Variants in MGMT observed in about 807,000 individuals in gnomAD.
The protein encoded by MGMT is methylated-DNA--protein-cysteine methyltransferase.
Under a neutral mutation model 15.9 loss-of-function variants are expected in MGMT, and 14 were observed. That is an observed-to-expected ratio of 0.88 (90% confidence interval 0.58 to 1.37). The LOEUF is 1.37. Ranked by LOEUF, MGMT falls within the 40% of genes most tolerant of loss-of-function variation. The probability of loss-of-function intolerance (pLI) is 0.00; values close to 1 mark genes in which losing one functional copy is unlikely to be tolerated. For synonymous variants in MGMT, 130 were observed against 118.2 expected (o/e 1.10, Z -0.65); for missense variants, 282 against 268.1 (o/e 1.05, Z -0.36).
chr10:129,614,946 A>G (rs951440764), intron 2 of MGMT, among the ~76,000 whole-genome samples: 3 of 152,164 alleles, frequency 2.0e-5, no homozygotes, highest in African/African-American at 4.8e-5. Context: ...CTGTATTTAC[A>G]TTCCTGGCTC....
rs141728453 is a variant in MGMT, at chr10:129,575,138, T to C, written c.125+38761T>C. ...TAGACAGATCAACAAGACAGAAAGT[T>C]AACAAGGATACCCAGGAATTGAACT... On this transcript the variant is annotated intron_variant, in intron 2 of 4. Coordinates refer to ENST00000651593, the MANE Select transcript of MGMT (RefSeq NM_002412.5). Among the ~76,000 whole-genome samples, 9 of 152,228 alleles carry C rather than the reference T, an allele frequency of 5.9e-5. No individual in the cohort carries two copies. The East Asian group carries it at 1.4e-3, about 23-fold the overall frequency.
At chr10:129,597,958 C>T (rs1031871588) in intron 2 of MGMT, among the ~76,000 whole-genome samples, 3 of 152,096 alleles carry the variant, frequency 2.0e-5, no homozygotes, top group South Asian at 2.1e-4. Context: ...AGATGTCGTT[C>T]GGTGGGTAGA....
intron 2 of MGMT, among the ~76,000 whole-genome samples, chr10:129,619,566 AT>A (rs923924558): frequency 2.6e-5 from 4 of 151,590 alleles, no homozygotes; most frequent in African/African-American, 7.3e-5. Context: ...TAGGATTGGT[AT>A]TTTTTTTATT....
At chr10:129,572,408 T>C (rs1031822584) in intron 2 of MGMT, among the ~76,000 whole-genome samples, 2 of 152,236 alleles carry the variant, frequency 1.3e-5, no homozygotes, top group African/African-American at 4.8e-5. Context: ...TCAGTTGGCT[T>C]ACAGAAGACC....
intron 2 of MGMT, among the ~76,000 whole-genome samples, chr10:129,620,341 G>A (rs189399620): frequency 3.9e-5 from 6 of 152,306 alleles, no homozygotes; most frequent in East Asian, 3.9e-4. Flanking sequence ...ATAAATGTAC[G>A]TTGGGTCAGG....
chr10:129,605,479 T>G (rs1846878078), intron 2 of MGMT, among the ~76,000 whole-genome samples: 1 of 152,324 alleles, frequency 6.6e-6, no homozygotes, highest in Non-Finnish European at 1.5e-5. Flanking sequence ...TTATTCATAT[T>G]GTAGGTTTCA....
chr10:129,731,380 T>TGC (rs1848495851), intron 3 of MGMT, among the ~76,000 whole-genome samples: 1 of 116,188 alleles, frequency 8.6e-6, no homozygotes, highest in Non-Finnish European at 1.8e-5. Flanking sequence ...TTTTTTTTTT[T>TGC]GCGACGGAGT....
intron 2 of MGMT, among the ~76,000 whole-genome samples, chr10:129,613,713 G>A (rs1057168472): frequency 6.6e-6 from 1 of 152,212 alleles, no homozygotes; most frequent in African/African-American, 2.4e-5. Context: ...AGTCTTGGCG[G>A]GAGGCTGGTG....
At chr10:129,676,380 A>G (rs541105844) in intron 2 of MGMT, among the ~76,000 whole-genome samples, 28 of 152,300 alleles carry the variant, frequency 1.8e-4, no homozygotes, top group African/African-American at 6.3e-4. Context: ...CGCTGGGGCC[A>G]TGGGGATGAC....
At chr10:129,513,331 G>A (rs901100347) in intron 1 of MGMT, among the ~76,000 whole-genome samples, 1 of 152,198 alleles carries the variant, frequency 6.6e-6, no homozygotes, top group African/African-American at 2.4e-5. Context: ...ACACAACTTT[G>A]TGAATGTATT....
At chr10:129,552,160 CAGG>C (rs1484036788) in intron 2 of MGMT, among the ~76,000 whole-genome samples, 1 of 152,230 alleles carries the variant, frequency 6.6e-6, no homozygotes, top group East Asian at 1.9e-4. Context: ...GGGCCGCAGA[CAGG>C]AGGGGAGGCC....
At chr10:129,579,817 T>C (rs1846531392) in intron 2 of MGMT, among the ~76,000 whole-genome samples, 1 of 152,216 alleles carries the variant, frequency 6.6e-6, no homozygotes, top group Non-Finnish European at 1.5e-5. Context: ...TCTGTGATTT[T>C]GGGAAAGTTG....
chr10:129,477,002 G>T (rs1845302875), intron 1 of MGMT, among the ~76,000 whole-genome samples: 1 of 152,120 alleles, frequency 6.6e-6, no homozygotes, highest in Admixed American at 6.5e-5. Flanking sequence ...CTCAGGCCAG[G>T]CAAGTCTGTG....
intron 2 of MGMT, among the ~76,000 whole-genome samples, chr10:129,686,658 C>T (rs898762945): frequency 2.6e-5 from 4 of 152,168 alleles, no homozygotes; most frequent in African/African-American, 7.2e-5. Flanking sequence ...CCACCGTGCC[C>T]GGCCTGCCAG....
In MGMT at chr10:129,472,453, A is replaced by G. The variant is rs149504304; in HGVS notation, c.-13+5157A>G. 3.4e-3 allele frequency among the ~76,000 whole-genome samples: 518 copies of G among 152,262 alleles called. 1 individual carries two copies. The highest frequency in any genetic ancestry group is 4.9e-3 in the Non-Finnish European group (336 of 68,016). On this transcript the variant is annotated intron_variant, in intron 1 of 4. Coordinates refer to ENST00000651593, the MANE Select transcript of MGMT (RefSeq NM_002412.5). ...GAAGGATGAAACGAGAAGACGGCGA[A>G]GAACCATTTCGAGCCCTCGTTTTCC... is the stretch of plus-strand genomic sequence containing the variant.
intron 1 of MGMT, among the ~76,000 whole-genome samples, chr10:129,506,164 A>T (rs1564836873): frequency 6.6e-6 from 1 of 152,146 alleles, no homozygotes; most frequent in Non-Finnish European, 1.5e-5. Flanking sequence ...CAGGGATGCC[A>T]GTGAACATCC....
intron 2 of MGMT, among the ~76,000 whole-genome samples, chr10:129,696,115 T>C (rs540646829): frequency 3.5e-4 from 53 of 152,252 alleles, no homozygotes; most frequent in Middle Eastern, 3.4e-3. Flanking sequence ...ACTCCCCCTT[T>C]ATTAATGACC....
chr10:129,526,050 C>G (rs1483006685), intron 1 of MGMT, among the ~76,000 whole-genome samples: 1 of 152,198 alleles, frequency 6.6e-6, no homozygotes, highest in Non-Finnish European at 1.5e-5. Flanking sequence ...CCGCACTTGA[C>G]TGTCTTGTGC....
chr10:129,510,005 C>T (rs529411414), intron 1 of MGMT, among the ~76,000 whole-genome samples: 13 of 152,244 alleles, frequency 8.5e-5, no homozygotes, highest in African/African-American at 2.2e-4. Context: ...GCAAGGTTGC[C>T]GTGCCAGGAT....
Sources: allele counts gnomAD v4.1 joint callset (sites outside exome capture counted in the v4.1 genomes callset), GRCh38; gene constraint gnomAD v4.1.1; transcripts MANE v1.5; gene names NCBI Gene and HGNC (gene_info 2026-07-23, HGNC 2026-07-21).